Variants in SART1 observed in about 807,000 individuals in gnomAD.
The protein encoded by SART1 is spliceosome associated factor 1, recruiter of U4/U6.U5 tri-snRNP.
SART1 carries 28 observed loss-of-function variants against 105.0 expected under a neutral mutation model. The observed-to-expected ratio is 0.27, with a 90% CI of 0.20 to 0.37. The LOEUF (loss-of-function observed/expected upper bound fraction) is 0.37. Among genes scored for constraint, SART1 ranks in the 10% least tolerant of loss-of-function variants. The pLI is 1.00. For synonymous variants in SART1, 472 were observed against 462.9 expected (o/e 1.02, Z -0.25); for missense variants, 894 against 1,106.5 (o/e 0.81, Z 2.72).
At position 65,964,598 on chromosome 11, in the gene SART1, G is replaced by T. The variant is rs186512493; in HGVS notation, c.427+28G>T. On this transcript the variant is annotated intron_variant, in intron 3 of 19. Transcript: ENST00000312397. ...GAGTATGGGGCTGAGGATAGGGTTT[G>T]GGGGAAAGAGGCCATCTGAAGGGGT... is the stretch of plus-strand genomic sequence containing the variant. 2.7e-5 allele frequency: 43 copies of T among 1,592,534 alleles called. No individual in the cohort carries two copies. The Admixed American group carries it at 4.8e-4, about 18-fold the overall frequency.
chr11:65,980,066 T>C lies in SART1; in HGVS notation c.*1036T>C, dbSNP rs1855556845. On this transcript the variant is annotated 3_prime_UTR_variant, in exon 20 of 20. Coordinates refer to ENST00000312397, the MANE Select transcript of SART1 (RefSeq NM_005146.5). ...AGACACAGGCTGCAGTGGGCCCTGA[T>C]TGAGCCACCACACTGCAGCCTAGGT... 4.6e-5 allele frequency among the ~76,000 whole-genome samples: 7 copies of C among 152,012 alleles called. No individual in the cohort carries two copies. Among genetic ancestry groups the C allele is most frequent in the Admixed American group, 4.6e-4 (7 of 15,244 alleles).
chr11:65,964,687 T>C, intron 3 of SART1, 117 bp downstream of exon 3: 1 of 1,039,766 alleles, frequency 9.6e-7, no homozygotes, highest in Non-Finnish European at 1.4e-6. Flanking sequence ...ACATGCATAT[T>C]TGCCGGAAGG....
In SART1 at chr11:65,979,283, C is replaced by T. The variant is rs902473484; in HGVS notation, c.*253C>T. The T allele has an allele frequency of 3.4e-6, 2 of 594,702 alleles. No homozygotes were observed. Among genetic ancestry groups the T allele is most frequent in the African/African-American group, 1.9e-5 (1 of 53,738 alleles). The allele number at this position is 594,702 out of a possible 1,614,324, so 36.8% of individuals were successfully genotyped here. ...GCTGTCGGTCACACCTCTGCAGGGCCGGCTCTCTGATAGAAAGTGGAAGGC... is the reference window on the plus strand; with the variant it reads ...GCTGTCGGTCACACCTCTGCAGGGCTGGCTCTCTGATAGAAAGTGGAAGGC... On this transcript the variant is annotated 3_prime_UTR_variant, in exon 20 of 20. Transcript: ENST00000312397.
rs1855437533 is a variant in SART1, at chr11:65,974,296, C to G, written c.1573-2099C>G. ...GGCTGAGGCAGGAGAATCACTTGAA[C>G]CCGAGAGGTGGAGGTTGCAGTGAGC... On this transcript the variant is annotated intron_variant, in intron 12 of 19. Transcript: ENST00000312397. Among the ~76,000 whole-genome samples, 3 of 149,524 alleles carry G rather than the reference C, an allele frequency of 2.0e-5. No individual in the cohort carries two copies. The South Asian group carries it at 6.4e-4, about 32-fold the overall frequency.
rs1855484163 is a variant in SART1, at chr11:65,976,546, G to A, written c.1724G>A (p.Arg575His). Residue 575 changes from arginine (R) to histidine (H), a missense_variant, in exon 13 of 20, where the codon CGC (arginine) becomes CAC (histidine). By Grantham distance (29) the Arg-to-His change is conservative. This residue lies in a region of SART1 where 182 missense variants were observed against 328.3 expected (regional missense o/e 0.55). Transcript: ENST00000312397. This position sits in a 1 kb window ranked among gnomAD's most constrained non-coding sequence, Gnocchi z 5.1. ...EIPTYGLAGN[R>H]EEQEELMDFE... ...CCCACCTACGGGCTGGCTGGCAATCGCGAGGAGCAGGAGGAGCTCATGGTG... is the reference window on the plus strand; with the variant it reads ...CCCACCTACGGGCTGGCTGGCAATCACGAGGAGCAGGAGGAGCTCATGGTG... 1 of 1,609,120 alleles carries A rather than the reference G, an allele frequency of 6.2e-7. No individual in the cohort carries two copies. The highest frequency in any genetic ancestry group is 8.5e-7 in the Non-Finnish European group (1 of 1,177,308).
rs758636617 is a variant in SART1, at chr11:65,965,691, C to G, written c.661-11C>G. 6.2e-7 allele frequency: 1 copy of G among 1,612,550 alleles called. No homozygotes were observed. Among genetic ancestry groups the G allele is most frequent in the South Asian group, 1.1e-5 (1 of 90,796 alleles). ...GCCTGAAGTCCTAGGTCACCCCTCC[C>G]TGTCCCGTAGGCCAAGTTACTGGAG... is the stretch of plus-strand genomic sequence containing the variant. On this transcript the variant is annotated splice_polypyrimidine_tract_variant and intron_variant, in intron 5 of 19. Transcript: ENST00000312397.
chr11:65,965,067 C>A, intron 3 of SART1, 25 bp from the exon 4 acceptor site: 1 of 1,556,688 alleles, frequency 6.4e-7, no homozygotes. Flanking sequence ...GCGGGCATAG[C>A]CTCACGTCTG....
At chr11:65,974,198 TAAAAAAA>T (rs1168176073) in intron 12 of SART1, among the ~76,000 whole-genome samples, 1 of 69,348 alleles carries the variant, frequency 1.4e-5, no homozygotes, top group African/African-American at 6.1e-5. Flanking sequence ...CCCTCTCTAC[TAAAAAAA>T]AAAAAAAAAA....
intron 12 of SART1, among the ~76,000 whole-genome samples, chr11:65,971,968 G>T (rs1855387605): frequency 6.6e-6 from 1 of 152,046 alleles, no homozygotes; most frequent in Non-Finnish European, 1.5e-5. Flanking sequence ...TTGTCACCCA[G>T]GCTGGGGTGC....
chr11:65,969,545 G>T (rs1286792256), intron 12 of SART1, among the ~76,000 whole-genome samples: 1 of 152,146 alleles, frequency 6.6e-6, no homozygotes, highest in Non-Finnish European at 1.5e-5. Context: ...GAACTCCTGG[G>T]CTCAAGGGAT....
Position 65,979,254 on chromosome 11 carries a change from C to T in SART1, c.*224C>T. On this transcript the variant is annotated 3_prime_UTR_variant, in exon 20 of 20. Coordinates refer to ENST00000312397, the MANE Select transcript of SART1 (RefSeq NM_005146.5). The stretch of plus-strand genomic sequence containing the variant: ...GTCCTCTAAGGCTCCTTCCTTCTCC[C>T]CTGGCTGTCGGTCACACCTCTGCAG... The T allele has an allele frequency of 1.6e-6, 1 of 621,392 alleles. No individual in the cohort carries two copies. The highest frequency in any genetic ancestry group is 2.8e-6 in the Non-Finnish European group (1 of 352,828). The allele number at this position is 621,392 out of a possible 1,614,324, so 38.5% of individuals were successfully genotyped here.
At position 65,976,291 on chromosome 11, in the gene SART1, C is replaced by T. The variant is rs1003929017; in HGVS notation, c.1573-104C>T. The T allele has an allele frequency of 1.8e-5, 22 of 1,216,880 alleles. No homozygotes were observed. Among genetic ancestry groups the T allele is most frequent in the African/African-American group, 3.1e-5 (2 of 65,264 alleles). The allele number at this position is 1,216,880 out of a possible 1,614,324, so 75.4% of individuals were successfully genotyped here. On this transcript the variant is annotated intron_variant, in intron 12 of 19. Coordinates refer to ENST00000312397, the MANE Select transcript of SART1 (RefSeq NM_005146.5). The surrounding 1 kb of genome is among the most constrained non-coding windows in gnomAD (Gnocchi z 5.1). ...CAGCTGGGCCTGCATGGGCTGTGGG[C>T]GTGGCCTGTCTGGCTGCTGCCAGGG...
chr11:65,978,227 T>C lies in SART1; in HGVS notation c.2172+328T>C. The C allele has an allele frequency of 2.0e-6, 1 of 496,362 alleles. No individual in the cohort carries two copies. Among genetic ancestry groups the C allele is most frequent in the South Asian group, 2.2e-5 (1 of 45,640 alleles). The allele number at this position is 496,362 out of a possible 1,614,324, so 30.7% of individuals were successfully genotyped here. On this transcript the variant is annotated intron_variant, in intron 17 of 19. Coordinates refer to ENST00000312397, the MANE Select transcript of SART1 (RefSeq NM_005146.5). This position sits in a 1 kb window ranked among gnomAD's most constrained non-coding sequence, Gnocchi z 6.8. ...CAGGGCCATTCCAGCGTCCAGGCCC[T>C]TCCAGCACTCTCGTAGGCCGCCCGA...
chr11:65,974,901 G>C (rs113042741), intron 12 of SART1, among the ~76,000 whole-genome samples: 356 of 151,806 alleles, frequency 2.3e-3, no homozygotes, highest in African/African-American at 8.0e-3. Context: ...TTAGCTGGGC[G>C]TGGTGGCGGG....
chr11:65,964,207 C>T (rs1411842731), intron 2 of SART1, 76 bp downstream of exon 2: 1 of 1,252,112 alleles, frequency 8.0e-7, no homozygotes, highest in African/African-American at 1.5e-5. Flanking sequence ...GGGAGGCTTT[C>T]TCACATGAAA....
In SART1 at chr11:65,978,976, G is replaced by A. The variant is rs202123592; in HGVS notation, c.2385-36G>A. On this transcript the variant is annotated intron_variant, in intron 19 of 19. Transcript: ENST00000312397. The surrounding 1 kb of genome is among the most constrained non-coding windows in gnomAD (Gnocchi z 6.8). ...GGGAGGGGTGGCGTGGCCTGTGCCC[G>A]CCTCTGCAGCCTCACGCCCCTGTTC... 2.7e-5 allele frequency: 43 copies of A among 1,613,920 alleles called. No homozygotes were observed. The highest frequency in any genetic ancestry group is 1.2e-4 in the Admixed American group (7 of 60,010).
rs767006661 is a variant in SART1, at chr11:65,976,697, C to T, written c.1788C>T (p.Ser596=). Residue 596 remains serine (S), a synonymous_variant, in exon 14 of 20, where the codon TCC becomes TCT. Transcript: ENST00000312397. This position sits in a 1 kb window ranked among gnomAD's most constrained non-coding sequence, Gnocchi z 5.1. ...RDEERSANGG[S]ESDGEENIGW... ...AGGAGCGCTCAGCCAACGGTGGCTC[C>T]GAATCTGACGGGGAGGAGAACATCG... 142 of 1,613,510 alleles carry T rather than the reference C, an allele frequency of 8.8e-5. 3 individuals are homozygous for T. The highest frequency in any genetic ancestry group is 9.9e-5 in the South Asian group (9 of 91,072).
At chr11:65,963,161 A>T (rs1381221420) in intron 1 of SART1, among the ~76,000 whole-genome samples, 1 of 152,138 alleles carries the variant, frequency 6.6e-6, no homozygotes, top group African/African-American at 2.4e-5. Context: ...AAATGCCCTT[A>T]TGTTAGTAGT....
chr11:65,962,130 C>CGGGGGGGGGGTGGGGGGG, intron 1 of SART1, 37 bp downstream of exon 1: 1 of 111,092 alleles, frequency 9.0e-6, no homozygotes, highest in Non-Finnish European at 1.6e-5. Flanking sequence ...GCGGGTCGGG[C>CGGGGGGGGGGTGGGGGGG]GGGGGTCCCG....
Sources: allele counts gnomAD v4.1 joint callset (sites outside exome capture counted in the v4.1 genomes callset), GRCh38; gene constraint gnomAD v4.1.1; regional missense constraint gnomAD v4.1.1; non-coding constraint Gnocchi (gnomAD v3.1); transcripts MANE v1.5; gene names NCBI Gene and HGNC (gene_info 2026-07-23, HGNC 2026-07-21).